Variants in SECISBP2 observed in about 807,000 individuals in gnomAD.
The protein encoded by SECISBP2 is selenocysteine insertion sequence-binding protein 2.
Under a neutral mutation model 98.2 loss-of-function variants are expected in SECISBP2, and 96 were observed. That is an observed-to-expected ratio of 0.98 (90% confidence interval 0.83 to 1.16). The LOEUF (loss-of-function observed/expected upper bound fraction) is 1.16. SECISBP2 is among the 50% of genes most tolerant of loss of function. The pLI is 0.00. For missense variants in SECISBP2, 1,046 were observed against 1,022.9 expected (o/e 1.02, Z -0.31); for synonymous variants, 407 against 370.2 (o/e 1.10, Z -1.14).
At chr9:89,318,856 G>C in intron 1 of SECISBP2, 1 of 1,265,028 alleles carries the variant, frequency 7.9e-7, no homozygotes. Flanking sequence ...ATGTCACCCA[G>C]CGCAGTGACT....
intron 7 of SECISBP2, among the ~76,000 whole-genome samples, chr9:89,335,406 C>T (rs899386785): frequency 2.6e-5 from 4 of 151,974 alleles, no homozygotes; most frequent in Admixed American, 6.5e-5. Context: ...GATCTTGGCT[C>T]ACTGCAAGCT....
chr9:89,340,268 C>T (rs1829461048), intron 9 of SECISBP2, among the ~76,000 whole-genome samples: 1 of 152,254 alleles, frequency 6.6e-6, no homozygotes, highest in South Asian at 2.1e-4. Context: ...AAAGTTGACT[C>T]AGTTTATTTG....
chr9:89,360,270 G>C (rs1832663552), downstream of SECISBP2, among the ~76,000 whole-genome samples: 1 of 152,174 alleles, frequency 6.6e-6, no homozygotes, highest in South Asian at 2.1e-4. Flanking sequence ...CAGCAGGAAA[G>C]GAGAGGTCTT....
chr9:89,320,101 A>T (rs765663802), intron 2 of SECISBP2, among the ~76,000 whole-genome samples: 1 of 152,138 alleles, frequency 6.6e-6, no homozygotes, highest in South Asian at 2.1e-4. Context: ...TCACGCCTGT[A>T]ATCCCAGCAC....
At position 89,350,678 on chromosome 9, in the gene SECISBP2, G is replaced by A. The variant is rs558648512; in HGVS notation, c.1939G>A (p.Asp647Asn). The change falls in exon 14 of 17, where the codon GAC becomes AAC. Residue 647 changes from aspartate (D) to asparagine (N), a missense_variant. Coordinates refer to ENST00000375807, the MANE Select transcript of SECISBP2 (RefSeq NM_024077.5). ...LSKEVDACVT[D>N]LLKELVRFQD... is the part of the protein sequence containing the mutation. ...TAAAGAAGTGGATGCTTGTGTTACC[G>A]ACCTACTCAAAGAACTGGTCCGTTT... The A allele has an allele frequency of 3.1e-6, 5 of 1,614,098 alleles. No individual in the cohort carries two copies. The highest frequency in any genetic ancestry group is 2.7e-5 in the African/African-American group (2 of 75,014).
Position 89,318,598 on chromosome 9 carries a change from G to C in SECISBP2, c.22G>C (p.Glu8Gln). 5.5e-6 allele frequency: 8 copies of C among 1,462,990 alleles called. No homozygotes were observed. Among genetic ancestry groups the C allele is most frequent in the Non-Finnish European group, 7.2e-6 (8 of 1,117,030 alleles). 90.6% of individuals were successfully genotyped at this position (1,462,990 alleles called of 1,614,324 possible). MASEGPR[E>Q]PESEGIKLSA... is the part of the protein sequence containing the mutation. ...CGGCATGGCGTCGGAGGGGCCGCGG[G>C]AGCCCGAAAGCGAGGTAAGGGCCGA... The change falls in exon 1 of 17, where the codon GAG (glutamate) becomes CAG (glutamine). Residue 8 changes from glutamate to glutamine, a missense_variant. By Grantham distance (29) the Glu-to-Gln change is conservative (BLOSUM62 2). Transcript: ENST00000375807.
intron 13 of SECISBP2, among the ~76,000 whole-genome samples, chr9:89,350,418 G>C (rs935584007): frequency 1.8e-4 from 28 of 152,330 alleles, no homozygotes; most frequent in African/African-American, 6.3e-4. Flanking sequence ...AGAGAAATTT[G>C]TCCCTTGTAG....
rs751280366 is a variant in SECISBP2 at position 89,349,789 on chromosome 9, G to A, written c.1752G>A (p.Met584Ile). Reference sequence around the variant, plus strand: ...TCCTCCATGAAGGGCCAGAGGGGATGGACGAACTGATCTCCACTCCTTCGG... The same window carrying A: ...TCCTCCATGAAGGGCCAGAGGGGATAGACGAACTGATCTCCACTCCTTCGG... ...EQAELSGPEGMDELISTPSVE... is the reference protein window; with the variant it reads ...EQAELSGPEGIDELISTPSVE... The change falls in exon 13 of 17, where the codon ATG (methionine) becomes ATA (isoleucine). Residue 584 changes from methionine (M) to isoleucine (I), a missense_variant. Met to Ile is a conservative substitution (Grantham distance 10). Coordinates refer to ENST00000375807, the MANE Select transcript of SECISBP2 (RefSeq NM_024077.5). 3 of 1,614,184 alleles carry A rather than the reference G, an allele frequency of 1.9e-6. No individual in the cohort carries two copies. Among genetic ancestry groups the A allele is most frequent in the Non-Finnish European group, 1.7e-6 (2 of 1,180,050 alleles).
chr9:89,349,691 C>T (rs1329136714), intron 12 of SECISBP2, 85 bp from the exon 13 acceptor site: 2 of 1,421,114 alleles, frequency 1.4e-6, no homozygotes, highest in East Asian at 2.3e-5. Context: ...GGTCTGGTTG[C>T]ATCGGTGAGA....
chr9:89,363,354 A>C, downstream of SECISBP2: 1 of 1,586,634 alleles, frequency 6.3e-7, no homozygotes, highest in Non-Finnish European at 8.5e-7. Flanking sequence ...GGGGCCCTTG[A>C]AAGATCCACT....
chr9:89,361,843 T>C (rs1463745664), downstream of SECISBP2: 1 of 158,478 alleles, frequency 6.3e-6, no homozygotes, highest in Non-Finnish European at 1.4e-5. Flanking sequence ...GGCATTTCCA[T>C]GTGGAGTCTC....
the SECISBP2 span, among the ~76,000 whole-genome samples, chr9:89,365,812 A>G: frequency 6.6e-6 from 1 of 152,170 alleles, no homozygotes; most frequent in South Asian, 2.1e-4. Flanking sequence ...AGAGCTTTCC[A>G]TTTCTGTGGC....
downstream of SECISBP2, chr9:89,362,260 G>T: frequency 7.0e-7 from 1 of 1,418,540 alleles, no homozygotes; most frequent in Non-Finnish European, 9.9e-7. Context: ...TCAGGTGGTG[G>T]CCCAATGGCT....
Position 89,358,045 on chromosome 9 carries a change from C to T in SECISBP2, c.2315C>T (p.Ala772Val), listed in dbSNP as rs770095745. The part of the protein sequence containing the change: ...MVELTVAARQ[A>V]YKTMLENVQQ... ...GAGCTGACAGTGGCGGCCCGACAGG[C>T]GTACAAGACCATGCTGGAGAATGTG... The change falls in exon 16 of 17, where the codon GCG (alanine) becomes GTG (valine). Residue 772 changes from alanine to valine, a missense_variant. Physicochemically the swap from Ala to Val is moderately conservative, Grantham distance 64. Coordinates refer to ENST00000375807, the MANE Select transcript of SECISBP2 (RefSeq NM_024077.5). The T allele has an allele frequency of 2.3e-5, 37 of 1,613,530 alleles. 1 individual carries two copies. The South Asian group carries it at 2.3e-4, about 10-fold the overall frequency.
downstream of SECISBP2, chr9:89,363,703 C>A: frequency 6.3e-7 from 1 of 1,599,490 alleles, no homozygotes. Context: ...GAAAAATTAC[C>A]TCATAAAAGG....
At chr9:89,324,415 CAGTG>C (rs1826332758) in intron 2 of SECISBP2, 1 of 152,166 alleles carries the variant, frequency 6.6e-6, no homozygotes, top group Non-Finnish European at 1.5e-5. Flanking sequence ...AAATAGTAAA[CAGTG>C]AGATGAGAGA....
In SECISBP2 at chr9:89,341,477, C is replaced by G; in HGVS notation, c.1433C>G (p.Ser478Ter). ...AKQSSKPVVVSVGAVPVLSKE... is the reference protein window; with the variant it reads ...AKQSSKPVVV The stretch of plus-strand genomic sequence containing the variant: ...CAGTCCTCCAAACCAGTGGTAGTCT[C>G]AGGTAAGAGAGTCTTTCCATCTCAG... The change falls in exon 10 of 17, where the codon TCA becomes TGA. Residue 478 changes from serine to a stop codon, truncating the protein, a stop_gained and splice_region_variant. Transcript: ENST00000375807. LOFTEE classifies it high-confidence loss of function. The G allele has an allele frequency of 1.2e-6, 2 of 1,614,128 alleles. No homozygotes were observed. Among genetic ancestry groups the G allele is most frequent in the Non-Finnish European group, 1.7e-6 (2 of 1,179,994 alleles).
intron 2 of SECISBP2, 143 bp from the exon 3 acceptor site, chr9:89,325,284 T>C (rs1216697656): frequency 2.7e-6 from 2 of 735,570 alleles, no homozygotes; most frequent in Admixed American, 2.8e-5. Context: ...GAGATTTTAT[T>C]TGGCTTTTAA....
intron 14 of SECISBP2, chr9:89,355,114 T>TG: frequency 1.0e-6 from 1 of 985,468 alleles, no homozygotes; most frequent in Non-Finnish European, 1.2e-6. Flanking sequence ...TCCAACTAGA[T>TG]GCAGAATGAG....
Sources: gnomAD v4.1 joint callset for allele counts (sites outside exome capture counted in the v4.1 genomes callset) on GRCh38, gnomAD v4.1.1 for gene constraint, MANE v1.5 for transcripts, NCBI Gene and HGNC (gene_info 2026-07-23, HGNC 2026-07-21) for gene names.